TLL1: variants seen among roughly 807,000 people sequenced by gnomAD.
TLL1 encodes tolloid like 1, also known as tolloid-like protein 1.
A neutral mutation model predicts 128.2 loss-of-function variants in TLL1; 49 were observed. The observed-to-expected ratio is 0.38, with a 90% confidence interval of 0.30 to 0.48. The LOEUF is 0.48. TLL1 is among the 20% of genes least tolerant of loss of function. The pLI is 0.96. For missense variants in TLL1, 1,123 were observed against 1,242.0 expected, an observed-to-expected ratio of 0.90 and a Z score of 1.44; for synonymous variants, 454 against 418.8, an observed-to-expected ratio of 1.08 and a Z score of -1.03.
chr4:166,010,929 A>G (rs1463160849), intron 7 of TLL1, among the ~76,000 whole-genome samples: 1 of 150,748 alleles, frequency 6.6e-6, no homozygotes, highest in Non-Finnish European at 1.5e-5. Flanking sequence ...AGGAATCTTG[A>G]CACCCTTGTC....
At position 166,089,643 on chromosome 4, in the gene TLL1, G is replaced by A. The variant is rs527907650; in HGVS notation, c.2443-1485G>A. ...TTCCCTACGCTGTCTTCTCTTTCCA[G>A]TGAGATTCTTTGTGGTATGTTCAGT... On this transcript the variant is annotated intron_variant, in intron 18 of 20. Coordinates refer to ENST00000061240, the MANE Select transcript of TLL1 (RefSeq NM_012464.5). 4.6e-5 allele frequency among the ~76,000 whole-genome samples: 7 copies of A among 152,192 alleles called. No individual in the cohort carries two copies. In the South Asian group the frequency reaches 1.5e-3, roughly 32 times the overall value.
chr4:166,014,197 A>G (rs1197912320), intron 7 of TLL1, among the ~76,000 whole-genome samples: 1 of 151,882 alleles, frequency 6.6e-6, no homozygotes, highest in Admixed American at 6.6e-5. Context: ...TTAAGAACAT[A>G]CATGTTTCAA....
At chr4:165,971,405 C>T (rs899429684) in intron 1 of TLL1, among the ~76,000 whole-genome samples, 1 of 152,208 alleles carries the variant, frequency 6.6e-6, no homozygotes, top group African/African-American at 2.4e-5. Context: ...ACGTATTACT[C>T]CATTCCCATT....
At chr4:166,051,325 T>TC (rs1459971937) in intron 12 of TLL1, among the ~76,000 whole-genome samples, 28 of 144,984 alleles carry the variant, frequency 1.9e-4, no homozygotes, top group African/African-American at 5.9e-4. Context: ...CTTCCTTCCT[T>TC]CTTTCCTTCC....
intron 19 of TLL1, among the ~76,000 whole-genome samples, chr4:166,092,368 A>G (rs1741814480): frequency 1.3e-5 from 2 of 152,094 alleles, no homozygotes. Context: ...CAGGATACTA[A>G]TCTGATTAAT....
intron 1 of TLL1, among the ~76,000 whole-genome samples, chr4:165,892,412 T>C (rs1384963547): frequency 6.6e-6 from 1 of 152,230 alleles, no homozygotes; most frequent in Non-Finnish European, 1.5e-5. Context: ...ATTCCTCATG[T>C]AAGAGGCACC....
At chr4:165,949,224 C>A (rs942099156) in intron 1 of TLL1, among the ~76,000 whole-genome samples, 8 of 152,030 alleles carry the variant, frequency 5.3e-5, no homozygotes, top group African/African-American at 1.9e-4. Context: ...GAGGAATGTT[C>A]CCAACTAACA....
chr4:165,880,501 T>C (rs1438481555), intron 1 of TLL1, among the ~76,000 whole-genome samples: 3 of 152,222 alleles, frequency 2.0e-5, no homozygotes, highest in African/African-American at 7.2e-5. Context: ...TGAAATCATA[T>C]ATTAAATGGG....
intron 1 of TLL1, among the ~76,000 whole-genome samples, chr4:165,927,813 G>A (rs745686109): frequency 6.6e-6 from 1 of 152,270 alleles, no homozygotes; most frequent in East Asian, 1.9e-4. Flanking sequence ...AGCCCTCCAC[G>A]ACAAAGAAAT....
chr4:165,940,744 T>A (rs1472153636), intron 1 of TLL1, among the ~76,000 whole-genome samples: 1 of 152,072 alleles, frequency 6.6e-6, no homozygotes, highest in Non-Finnish European at 1.5e-5. Flanking sequence ...GATGAGGATA[T>A]GTGACTTTTT....
intron 5 of TLL1, 53 bp from the exon 6 acceptor site, chr4:166,003,338 A>G: frequency 6.3e-7 from 1 of 1,590,514 alleles, no homozygotes. Context: ...CCATATTGTC[A>G]GTTGTCCAGC....
chr4:165,890,201 C>T (rs1477235085), intron 1 of TLL1, among the ~76,000 whole-genome samples: 1 of 152,158 alleles, frequency 6.6e-6, no homozygotes, highest in Non-Finnish European at 1.5e-5. Context: ...CACCATGTCC[C>T]TCTCATGACA....
At chr4:166,007,915 T>G in intron 6 of TLL1, 28 bp from the exon 7 acceptor site, 31 of 1,472,106 alleles carry the variant, frequency 2.1e-5, no homozygotes, top group Non-Finnish European at 2.7e-5. Context: ...AAAAGGCTTC[T>G]GAGATTTTGT....
chr4:165,947,584 G>C (rs59421907), intron 1 of TLL1, among the ~76,000 whole-genome samples: 2,984 of 152,174 alleles, frequency 0.02, 102 homozygotes, highest in African/African-American at 0.066. Flanking sequence ...TGGAGAAAAG[G>C]CTAACGATAT....
intron 10 of TLL1, 99 bp downstream of exon 10, chr4:166,039,540 T>A: frequency 1.2e-6 from 1 of 816,692 alleles, no homozygotes; most frequent in Non-Finnish European, 2.1e-6. Context: ...GTTAAAAATG[T>A]GTGTGACTAA....
intron 1 of TLL1, among the ~76,000 whole-genome samples, chr4:165,921,439 T>G (rs1733038421): frequency 6.6e-6 from 1 of 152,200 alleles, no homozygotes; most frequent in Admixed American, 6.5e-5. Context: ...ATCAAACTGT[T>G]TTTATTAGTT....
chr4:165,940,203 G>C (rs1733944365), intron 1 of TLL1, among the ~76,000 whole-genome samples: 1 of 151,316 alleles, frequency 6.6e-6, no homozygotes, highest in Admixed American at 6.6e-5. Flanking sequence ...ATTTTTCTAT[G>C]TAATTAGGCT....
chr4:165,994,968 G>A, intron 4 of TLL1, 93 bp from the exon 5 acceptor site: 1 of 979,836 alleles, frequency 1.0e-6, no homozygotes, highest in Non-Finnish European at 1.6e-6. Flanking sequence ...GTGGCATTCT[G>A]CACTGCTCAG....
chr4:165,923,114 G>A (rs1430928276), intron 1 of TLL1, among the ~76,000 whole-genome samples: 1 of 152,086 alleles, frequency 6.6e-6, no homozygotes, highest in Non-Finnish European at 1.5e-5. Flanking sequence ...GGCCCCTCAT[G>A]CCACCCAGGA....
Sources: allele counts gnomAD v4.1 joint callset (sites outside exome capture counted in the v4.1 genomes callset), GRCh38; gene constraint gnomAD v4.1.1; transcripts MANE v1.5; gene names NCBI Gene and HGNC (gene_info 2026-07-23, HGNC 2026-07-21).